Variants in PCDHA11 observed in about 807,000 individuals in gnomAD.
PCDHA11 encodes the protein protocadherin alpha 11.
Under a neutral mutation model 70.3 loss-of-function variants are expected in PCDHA11, and 61 were observed. That is an observed-to-expected ratio of 0.87 (90% CI 0.71 to 1.07). PCDHA11 has a LOEUF of 1.07. Among genes scored for constraint, PCDHA11 ranks in the 50% least tolerant of loss-of-function variants. PCDHA11 has a pLI of 0.00. For missense variants in PCDHA11, 1,324 were observed against 1,237.5 expected (o/e 1.07, Z -1.05); for synonymous variants, 633 against 555.1 (o/e 1.14, Z -1.97).
intron 3 of PCDHA11, among the ~76,000 whole-genome samples, chr5:140,989,709 C>T (rs2097355670): frequency 6.6e-6 from 1 of 152,160 alleles, no homozygotes; most frequent in South Asian, 2.1e-4. Flanking sequence ...TCTTCAGAGG[C>T]AGTCAGCTTT....
intron 3 of PCDHA11, among the ~76,000 whole-genome samples, chr5:141,002,939 A>G (rs2098103546): frequency 6.6e-6 from 1 of 152,238 alleles, no homozygotes; most frequent in Admixed American, 6.5e-5. Context: ...AACACCCTCC[A>G]GCACATGCCC....
chr5:140,870,626 C>G lies in PCDHA11; in HGVS notation c.1523C>G (p.Ser508Trp), dbSNP rs782773688. Reference sequence around the variant, plus strand: ...GACCGCGCGCTGTCGAGCTACGTGTCGGTGCACGCGGAGAGCGGCAAGGTG... The same window carrying G: ...GACCGCGCGCTGTCGAGCTACGTGTGGGTGCACGCGGAGAGCGGCAAGGTG... ...LGDRALSSYV[S>W]VHAESGKVYA... Residue 508 changes from serine to tryptophan, a missense_variant, in exon 1 of 4, where the codon TCG becomes TGG. Physicochemically the swap from Ser to Trp is radical, Grantham distance 177. Coordinates refer to ENST00000398640, the MANE Select transcript of PCDHA11 (RefSeq NM_018902.5). 15 of 1,613,016 alleles carry G rather than the reference C, an allele frequency of 9.3e-6. No individual in the cohort carries two copies. The highest frequency in any genetic ancestry group is 1.1e-5 in the Non-Finnish European group (13 of 1,179,794).
At chr5:140,984,192 A>G (rs1233193080) in intron 3 of PCDHA11, among the ~76,000 whole-genome samples, 31 of 152,144 alleles carry the variant, frequency 2.0e-4, no homozygotes, top group Admixed American at 2.0e-3. Context: ...ATGACTTTCT[A>G]CCTTGCCTTT....
intron 1 of PCDHA11, chr5:140,882,602 A>T: frequency 6.2e-7 from 1 of 1,614,276 alleles, no homozygotes; most frequent in Non-Finnish European, 8.5e-7. Flanking sequence ...GATCGTGGAC[A>T]GGCCTCTGCA....
intron 1 of PCDHA11, among the ~76,000 whole-genome samples, chr5:140,907,411 G>T (rs1053744231): frequency 6.6e-6 from 1 of 152,192 alleles, no homozygotes; most frequent in Non-Finnish European, 1.5e-5. Flanking sequence ...GGAATACCAC[G>T]ATGGTGGATA....
At chr5:140,876,686 A>G (rs1554168790) in intron 1 of PCDHA11, 1 of 1,613,822 alleles carries the variant, frequency 6.2e-7, no homozygotes, top group Admixed American at 1.7e-5. Context: ...AAGAATTACT[A>G]CTCGTTGGTG....
At chr5:140,968,008 CT>C (rs782634586) in intron 1 of PCDHA11, 1 of 1,614,202 alleles carries the variant, frequency 6.2e-7, no homozygotes, top group Non-Finnish European at 8.5e-7. Context: ...GACTGAATGG[CT>C]TTGGAAACTC....
At chr5:141,002,684 G>C (rs1432098268) in intron 3 of PCDHA11, among the ~76,000 whole-genome samples, 2 of 152,180 alleles carry the variant, frequency 1.3e-5, no homozygotes, top group Non-Finnish European at 2.9e-5. Context: ...TATACGACGT[G>C]CAGATTTGTT....
At chr5:140,967,406 G>A in intron 1 of PCDHA11, 1 of 1,613,006 alleles carries the variant, frequency 6.2e-7, no homozygotes, top group Non-Finnish European at 8.5e-7. Flanking sequence ...GCTGCGTAAG[G>A]GCCTAGACCG....
At chr5:140,945,440 T>C (rs932464631) in intron 1 of PCDHA11, among the ~76,000 whole-genome samples, 1 of 151,948 alleles carries the variant, frequency 6.6e-6, no homozygotes, top group African/African-American at 2.4e-5. Context: ...TACAGAAATA[T>C]AAAAAACTTC....
chr5:140,978,836 A>G (rs891146888), intron 1 of PCDHA11, 113 bp from the exon 2 acceptor site: 1 of 1,552,522 alleles, frequency 6.4e-7, no homozygotes, highest in Non-Finnish European at 8.7e-7. Context: ...GGCTCATTCA[A>G]TACTTTTTTA....
At chr5:140,913,945 A>T (rs2076523304) in intron 1 of PCDHA11, among the ~76,000 whole-genome samples, 1 of 152,086 alleles carries the variant, frequency 6.6e-6, no homozygotes, top group Non-Finnish European at 1.5e-5. Flanking sequence ...AAGAATCTTG[A>T]TATGATATCA....
At chr5:140,908,234 C>T (rs1262299431) in intron 1 of PCDHA11, among the ~76,000 whole-genome samples, 5 of 152,184 alleles carry the variant, frequency 3.3e-5, no homozygotes, top group Non-Finnish European at 7.3e-5. Context: ...CCTTAGTCTT[C>T]TCTTCCTCAT....
chr5:140,877,268 C>T, intron 1 of PCDHA11: 1 of 1,613,828 alleles, frequency 6.2e-7, no homozygotes, highest in South Asian at 1.1e-5. Flanking sequence ...GCGGTGGACG[C>T]TGACTCCGGC....
chr5:140,883,946 G>A, intron 1 of PCDHA11: 5 of 1,613,392 alleles, frequency 3.1e-6, no homozygotes, highest in Middle Eastern at 1.7e-4. Context: ...GGACGAGAAC[G>A]ACAACGCTCC....
intron 1 of PCDHA11, chr5:140,927,096 G>A (rs1554204014): frequency 1.2e-6 from 2 of 1,612,778 alleles, no homozygotes; most frequent in Admixed American, 1.7e-5. Context: ...ACTTCGGGGT[G>A]GATCTACCCA....
rs144442346 is a variant in PCDHA11 at position 140,929,817 on chromosome 5, G to A, written c.2392-49132G>A. 1,292 of 158,464 alleles carry A rather than the reference G, an allele frequency of 8.2e-3. 7 individuals are homozygous for A. Among genetic ancestry groups the A allele is most frequent in the African/African-American group, 0.019 (796 of 41,644 alleles). 9.8% of individuals were successfully genotyped at this position (158,464 alleles called of 1,614,324 possible). On this transcript the variant is annotated intron_variant, in intron 1 of 3. Coordinates refer to ENST00000398640, the MANE Select transcript of PCDHA11 (RefSeq NM_018902.5). The stretch of plus-strand genomic sequence containing the variant: ...ATGGGGGTTAAAAGAAGGGAGAAAG[G>A]GAACATAAGAGAACATTTGAGTGAG...
At chr5:140,872,207 T>C (rs1372716316) in intron 1 of PCDHA11, among the ~76,000 whole-genome samples, 1 of 152,224 alleles carries the variant, frequency 6.6e-6, no homozygotes, top group African/African-American at 2.4e-5. Flanking sequence ...ATAAATTCAT[T>C]ATATATGAAA....
intron 1 of PCDHA11, among the ~76,000 whole-genome samples, chr5:140,921,646 G>T (rs957810883): frequency 6.6e-6 from 1 of 152,124 alleles, no homozygotes; most frequent in Admixed American, 6.5e-5. Context: ...GCTATTTTAA[G>T]GGAACTTAAT....
Sources: allele counts gnomAD v4.1 joint callset (sites outside exome capture counted in the v4.1 genomes callset), GRCh38; gene constraint gnomAD v4.1.1; transcripts MANE v1.5; gene names NCBI Gene and HGNC (gene_info 2026-07-23, HGNC 2026-07-21).